ANKRD12: variants seen among roughly 807,000 people sequenced by gnomAD.
ANKRD12 encodes the protein ankyrin repeat domain-containing protein 12.
A neutral mutation model predicts 183.4 loss-of-function variants in ANKRD12; 85 were observed. That is an observed-to-expected ratio of 0.46 (90% CI 0.39 to 0.56). ANKRD12 has a LOEUF of 0.56. Ranked by LOEUF, ANKRD12 falls within the 20% of genes least tolerant of loss-of-function variation. ANKRD12 has a pLI of 0.00. For synonymous variants in ANKRD12, 914 were observed against 800.2 expected, an observed-to-expected ratio of 1.14 and a Z score of -2.40; for missense variants, 2,405 against 2,357.1, an observed-to-expected ratio of 1.02 and a Z score of -0.42.
Position 9,257,398 on chromosome 18 carries a change from A to G in ANKRD12, c.4131A>G (p.Ser1377=), listed in dbSNP as rs1290423512. ...TTGCAACTTCTCCAACTGGAGCTTC[A>G]AACAGCAAGTATGTTTCAGCTGATA... ...SSFATSPTGA[S]NSKYVSADRN... The change falls in exon 9 of 13, where the codon TCA becomes TCG. Residue 1377 remains serine, a synonymous_variant. Coordinates refer to ENST00000262126, the MANE Select transcript of ANKRD12 (RefSeq NM_015208.5). 1.2e-6 allele frequency: 2 copies of G among 1,614,130 alleles called. No individual in the cohort carries two copies. Among genetic ancestry groups the G allele is most frequent in the South Asian group, 2.2e-5 (2 of 91,080 alleles).
chr18:9,161,835 A>G (rs1210568725), intron 1 of ANKRD12, among the ~76,000 whole-genome samples: 1 of 151,692 alleles, frequency 6.6e-6, no homozygotes, highest in Non-Finnish European at 1.5e-5. Flanking sequence ...ATTTTGTTGC[A>G]GTGAGAACAT....
chr18:9,219,567 C>A (rs2036297931), intron 7 of ANKRD12, among the ~76,000 whole-genome samples: 1 of 152,036 alleles, frequency 6.6e-6, no homozygotes, highest in South Asian at 2.1e-4. Flanking sequence ...TTGCAGGCCA[C>A]ATACTCCCTC....
chr18:9,249,087 A>G (rs2038131246), intron 8 of ANKRD12, among the ~76,000 whole-genome samples: 1 of 152,206 alleles, frequency 6.6e-6, no homozygotes, highest in Non-Finnish European at 1.5e-5. Flanking sequence ...TTAAGCACTT[A>G]CTATGTGCTA....
chr18:9,149,860 A>G (rs1418699905), intron 1 of ANKRD12, among the ~76,000 whole-genome samples: 2 of 150,462 alleles, frequency 1.3e-5, no homozygotes, highest in African/African-American at 2.4e-5. Flanking sequence ...TAGTGGTGCA[A>G]TCTGGACTCA....
intron 1 of ANKRD12, among the ~76,000 whole-genome samples, chr18:9,168,705 G>A (rs1228481733): frequency 6.6e-6 from 1 of 151,960 alleles, no homozygotes; most frequent in Non-Finnish European, 1.5e-5. Flanking sequence ...AGGGTTTTTT[G>A]TGTCTCTATT....
At position 9,258,723 on chromosome 18, in the gene ANKRD12, C is replaced by T; in HGVS notation, c.5456C>T (p.Ser1819Phe). 6.2e-7 allele frequency: 1 copy of T among 1,613,862 alleles called. No homozygotes were observed. The highest frequency in any genetic ancestry group is 8.5e-7 in the Non-Finnish European group (1 of 1,179,900). ...CAATCTCTGGCAGCCATTGTAGATT[C>T]TCTAAAACTAGATGAGATTCAGCCA... is the stretch of plus-strand genomic sequence containing the variant. Reference protein sequence around the residue: ...TQQSLAAIVDSLKLDEIQPYS... With the variant: ...TQQSLAAIVDFLKLDEIQPYS... The change falls in exon 9 of 13, where the codon TCT (serine) becomes TTT (phenylalanine). Residue 1819 changes from serine to phenylalanine, a missense_variant. Ser to Phe is a radical substitution (Grantham distance 155, BLOSUM62 -2). Around this residue, in one of 7 missense-constraint regions of ANKRD12, gnomAD observed 1,983 missense variants for 1,725.9 expected, o/e 1.15. Coordinates refer to ENST00000262126, the MANE Select transcript of ANKRD12 (RefSeq NM_015208.5).
chr18:9,270,331 C>A (rs2039527141), intron 10 of ANKRD12, among the ~76,000 whole-genome samples: 3 of 152,144 alleles, frequency 2.0e-5, no homozygotes. Context: ...TATTGCGGCA[C>A]TATTCACAGT....
At chr18:9,164,616 C>T (rs2031834028) in intron 1 of ANKRD12, among the ~76,000 whole-genome samples, 1 of 152,026 alleles carries the variant, frequency 6.6e-6, no homozygotes, top group South Asian at 2.1e-4. Context: ...CATTCGTTTC[C>T]AAGAACTTCT....
chr18:9,241,808 G>C (rs761344847), intron 8 of ANKRD12, among the ~76,000 whole-genome samples: 2 of 150,952 alleles, frequency 1.3e-5, no homozygotes, highest in Non-Finnish European at 2.9e-5. Context: ...TTCTACCTCT[G>C]TCTTAAGCAA....
In ANKRD12 at chr18:9,283,451, T is replaced by G. The variant is rs1054816276; in HGVS notation, c.*2325T>G. 10 of 152,268 alleles carry G rather than the reference T, an allele frequency of 6.6e-5. No homozygotes were observed. Among genetic ancestry groups the G allele is most frequent in the Non-Finnish European group, 1.5e-4 (10 of 68,030 alleles). 9.4% of individuals were successfully genotyped at this position (152,268 alleles called of 1,614,324 possible). A position where few individuals can be genotyped will look rare whatever the true frequency, so the allele number is the denominator to read the frequency against. On this transcript the variant is annotated 3_prime_UTR_variant, in exon 13 of 13. Coordinates refer to ENST00000262126, the MANE Select transcript of ANKRD12 (RefSeq NM_015208.5). ...GCTAATGATAGCTTAAAAGAAAAGT[T>G]AATGCCTTCTCATTGGAAATGTATA...
chr18:9,201,978 C>T (rs940271085), intron 3 of ANKRD12, among the ~76,000 whole-genome samples: 6 of 151,984 alleles, frequency 3.9e-5, no homozygotes, highest in Non-Finnish European at 8.8e-5. Context: ...CAGGCGTGTG[C>T]CACCACACCC....
At chr18:9,233,154 G>A (rs2037152068) in intron 8 of ANKRD12, among the ~76,000 whole-genome samples, 1 of 151,936 alleles carries the variant, frequency 6.6e-6, no homozygotes, top group African/African-American at 2.4e-5. Context: ...GCCTGGCCAA[G>A]ACCGATTTTC....
In ANKRD12 at chr18:9,167,976, CAT is replaced by C. The variant is rs769831227; in HGVS notation, c.-51-14405_-51-14404del. Among the ~76,000 whole-genome samples the C allele has an allele frequency of 6.2e-4, 95 of 152,148 alleles. 1 individual carries two copies. The highest frequency in any genetic ancestry group is 2.0e-3 in the Admixed American group (31 of 15,270). On this transcript the variant is annotated intron_variant, in intron 1 of 12. Coordinates refer to ENST00000262126, the MANE Select transcript of ANKRD12 (RefSeq NM_015208.5). ...CCTTTTCTGCCTCTATTGAGATAATCATGTGGTTTTTGTCTTTGGTTCTGTTT... is the reference window on the plus strand; with the variant it reads ...CCTTTTCTGCCTCTATTGAGATAATCGTGGTTTTTGTCTTTGGTTCTGTTT...
At chr18:9,240,465 C>T (rs1427151371) in intron 8 of ANKRD12, among the ~76,000 whole-genome samples, 1 of 152,130 alleles carries the variant, frequency 6.6e-6, no homozygotes, top group East Asian at 1.9e-4. Flanking sequence ...AAACCATAAT[C>T]GTGGAAATGG....
chr18:9,251,267 C>T (rs948919001), intron 8 of ANKRD12, among the ~76,000 whole-genome samples: 1 of 152,122 alleles, frequency 6.6e-6, no homozygotes, highest in African/African-American at 2.4e-5. Flanking sequence ...GCCACATCTG[C>T]TTCATTTGGT....
intron 1 of ANKRD12, among the ~76,000 whole-genome samples, chr18:9,173,978 A>G (rs1280592098): frequency 1.3e-5 from 2 of 152,260 alleles, no homozygotes; most frequent in Non-Finnish European, 2.9e-5. Context: ...AGATCAGAGT[A>G]CTGTTCATAT....
chr18:9,212,662 A>T (rs963912215), intron 6 of ANKRD12, among the ~76,000 whole-genome samples: 1 of 151,662 alleles, frequency 6.6e-6, no homozygotes, highest in African/African-American at 2.4e-5. Flanking sequence ...TACATGTTTT[A>T]GATTTTTGAA....
intron 10 of ANKRD12, among the ~76,000 whole-genome samples, chr18:9,264,688 C>A (rs1178869906): frequency 6.6e-6 from 1 of 152,220 alleles, no homozygotes; most frequent in Non-Finnish European, 1.5e-5. Context: ...TACAACACTG[C>A]ATGACCCATT....
chr18:9,193,509 G>A (rs889581612), intron 2 of ANKRD12, among the ~76,000 whole-genome samples: 33 of 151,350 alleles, frequency 2.2e-4, no homozygotes, highest in African/African-American at 7.8e-4. Context: ...CAATCTCAGT[G>A]GTTTTTTTTT....
Sources: allele counts gnomAD v4.1 joint callset (sites outside exome capture counted in the v4.1 genomes callset), GRCh38; gene constraint gnomAD v4.1.1; regional missense constraint gnomAD v4.1.1; transcripts MANE v1.5; gene names NCBI Gene and HGNC (gene_info 2026-07-23, HGNC 2026-07-21).